The following TACC2 variants were observed in gnomAD, a reference collection of about 807,000 sequenced individuals.
The protein encoded by TACC2 is transforming acidic coiled-coil-containing protein 2.
Under a neutral mutation model 227.3 loss-of-function variants are expected in TACC2, and 137 were observed. The observed-to-expected ratio is 0.60, with a 90% confidence interval of 0.52 to 0.69. TACC2 has a LOEUF of 0.69. Ranked by LOEUF, TACC2 falls within the 30% of genes least tolerant of loss-of-function variation. The pLI, the probability that TACC2 is intolerant of heterozygous loss-of-function variation, is 0.00. For synonymous variants in TACC2, 1,523 were observed against 1,487.5 expected, an observed-to-expected ratio of 1.02 and a Z score of -0.55; for missense variants, 3,470 against 3,694.4, an observed-to-expected ratio of 0.94 and a Z score of 1.57.
At chr10:122,197,347 G>A (rs1177953530) in intron 8 of TACC2, among the ~76,000 whole-genome samples, 5 of 152,238 alleles carry the variant, frequency 3.3e-5, no homozygotes, top group African/African-American at 1.2e-4. Flanking sequence ...AGTGTGCGGA[G>A]AGGCCACTTG....
chr10:122,089,669 G>A (rs1427622198), intron 5 of TACC2, among the ~76,000 whole-genome samples: 3 of 152,240 alleles, frequency 2.0e-5, no homozygotes, highest in Non-Finnish European at 4.4e-5. Context: ...CAACACTTGT[G>A]TGTATGAGTA....
chr10:122,009,379 C>T (rs909429426), intron 1 of TACC2, among the ~76,000 whole-genome samples: 2 of 152,094 alleles, frequency 1.3e-5, no homozygotes, highest in Admixed American at 1.3e-4. Context: ...TGGTGCATGC[C>T]TGTAATCTCA....
rs369940694 is a variant in TACC2, at chr10:122,215,492, C to T, written c.7344+41C>T. 2.5e-4 allele frequency: 383 copies of T among 1,549,468 alleles called. 1 individual carries two copies. Among genetic ancestry groups the T allele is most frequent in the South Asian group, 3.3e-4 (30 of 89,738 alleles). On this transcript the variant is annotated intron_variant, in intron 10 of 22. Transcript: ENST00000369005. ...GATCTTGATGGTTTTATGCCCCCCCCGGGGGAGGTTTTCTTCGCTTGTTGA... is the reference window on the plus strand; with the variant it reads ...GATCTTGATGGTTTTATGCCCCCCCTGGGGGAGGTTTTCTTCGCTTGTTGA...
At chr10:122,226,011 C>T (rs1565695568) in intron 12 of TACC2, among the ~76,000 whole-genome samples, 2 of 152,200 alleles carry the variant, frequency 1.3e-5, no homozygotes, top group South Asian at 4.1e-4. Context: ...AGGCTCTTGC[C>T]CTACCTCTCT....
At chr10:122,096,783 A>G (rs533468881) in intron 5 of TACC2, among the ~76,000 whole-genome samples, 5 of 151,878 alleles carry the variant, frequency 3.3e-5, no homozygotes, top group African/African-American at 1.2e-4. Flanking sequence ...ATGTCTCTGC[A>G]CTGTTCTTGT....
At chr10:122,196,827 T>C (rs1475368590) in intron 8 of TACC2, among the ~76,000 whole-genome samples, 1 of 148,708 alleles carries the variant, frequency 6.7e-6, no homozygotes, top group Non-Finnish European at 1.5e-5. Flanking sequence ...TCCCAGCTAC[T>C]CGGGAGGCTG....
intron 2 of TACC2, among the ~76,000 whole-genome samples, chr10:122,029,090 A>C (rs1426634705): frequency 7.1e-6 from 1 of 140,286 alleles, no homozygotes; most frequent in African/African-American, 2.7e-5. Flanking sequence ...GTGAGAGGGG[A>C]CATTTTTCCC....
At chr10:122,244,293 C>A (rs10887109) in intron 19 of TACC2, among the ~76,000 whole-genome samples, 1 of 152,042 alleles carries the variant, frequency 6.6e-6, no homozygotes, top group Non-Finnish European at 1.5e-5. Context: ...CCCTGAGACT[C>A]CTCCAGTGTC....
chr10:122,060,744 T>G (rs1263153154), intron 3 of TACC2, among the ~76,000 whole-genome samples: 1 of 151,694 alleles, frequency 6.6e-6, no homozygotes, highest in Non-Finnish European at 1.5e-5. Context: ...GTGGCTCATG[T>G]CTGTAATCCC....
At chr10:122,206,721 T>A (rs1199370331) in intron 8 of TACC2, among the ~76,000 whole-genome samples, 2 of 152,212 alleles carry the variant, frequency 1.3e-5, no homozygotes, top group Admixed American at 6.5e-5. Flanking sequence ...GCTGACTTTG[T>A]CATCAGACTG....
chr10:122,181,947 G>A (rs2093984440), intron 7 of TACC2, among the ~76,000 whole-genome samples: 1 of 152,194 alleles, frequency 6.6e-6, no homozygotes, highest in African/African-American at 2.4e-5. Flanking sequence ...CCTCGTGATT[G>A]TACTGCTTTA....
At chr10:122,183,801 G>A (rs988689059) in intron 7 of TACC2, among the ~76,000 whole-genome samples, 4 of 152,246 alleles carry the variant, frequency 2.6e-5, no homozygotes, top group East Asian at 3.9e-4. Flanking sequence ...CAGAAGACAC[G>A]TATGCCTGTC....
rs1034283140 is a variant in TACC2, at chr10:122,085,483, C to A, written c.2983C>A (p.Gln995Lys). ...CTGQGPNKSQ[Q>K]ALADALEEGS... ...TGGGCAGGGGCCAAACAAGTCTCAA[C>A]AGGCATTGGCTGATGCCTTGGAAGA... Residue 995 changes from glutamine to lysine, a missense_variant, in exon 4 of 23, where the codon CAG becomes AAG. By Grantham distance (53) the Gln-to-Lys change is moderately conservative. Coordinates refer to ENST00000369005, the MANE Select transcript of TACC2 (RefSeq NM_206862.4). 4 of 1,613,604 alleles carry A rather than the reference C, an allele frequency of 2.5e-6. No homozygotes were observed. In the African/African-American group the frequency reaches 5.3e-5, roughly 22 times the overall value.
At chr10:122,158,276 C>T (rs897077263) in intron 7 of TACC2, among the ~76,000 whole-genome samples, 1 of 152,094 alleles carries the variant, frequency 6.6e-6, no homozygotes, top group Admixed American at 6.5e-5. Context: ...GTGGTCCCAG[C>T]TACTCGGGAG....
At chr10:122,103,800 G>A (rs1452567690) in intron 5 of TACC2, among the ~76,000 whole-genome samples, 3 of 152,184 alleles carry the variant, frequency 2.0e-5, no homozygotes, top group Non-Finnish European at 2.9e-5. Flanking sequence ...GCAGGAGAGA[G>A]GAAGGATGGA....
In TACC2 at chr10:122,118,089, C is replaced by T. The variant is rs552384421; in HGVS notation, c.5574-14520C>T. ...AGTGCAGTGGTGCCATCTCAGCTCA[C>T]GGCAACCCCTGCTTCCCCGGGTTCA... On this transcript the variant is annotated intron_variant, in intron 5 of 22. Coordinates refer to ENST00000369005, the MANE Select transcript of TACC2 (RefSeq NM_206862.4). Among the ~76,000 whole-genome samples, 20 of 151,218 alleles carry T rather than the reference C, an allele frequency of 1.3e-4. No individual in the cohort carries two copies. The South Asian group carries it at 2.1e-3, about 16-fold the overall frequency.
chr10:122,183,922 T>C (rs1349669612), intron 7 of TACC2, among the ~76,000 whole-genome samples: 1 of 151,990 alleles, frequency 6.6e-6, no homozygotes, highest in African/African-American at 2.4e-5. Context: ...ATCTTGAGAG[T>C]GGGAGCTTAT....
At position 122,164,051 on chromosome 10, in the gene TACC2, C is replaced by T. The variant is rs923981918; in HGVS notation, c.5834+20345C>T. ...CGGGGAGGAGGAGAGGATGCCCGGG[C>T]TTTGTTAGTGTCGCCTTTCCTAATG... On this transcript the variant is annotated intron_variant, in intron 7 of 22. Transcript: ENST00000369005. The T allele has an allele frequency of 2.9e-5, 45 of 1,540,998 alleles. 1 individual carries two copies. The highest frequency in any genetic ancestry group is 3.3e-4 in the Middle Eastern group (2 of 5,992).
intron 7 of TACC2, among the ~76,000 whole-genome samples, chr10:122,148,548 C>T (rs1356800360): frequency 6.6e-6 from 1 of 152,284 alleles, no homozygotes; most frequent in Non-Finnish European, 1.5e-5. Flanking sequence ...CCCGCCATAT[C>T]TGTGGCTTTG....
Sources: allele counts gnomAD v4.1 joint callset (sites outside exome capture counted in the v4.1 genomes callset), GRCh38; gene constraint gnomAD v4.1.1; transcripts MANE v1.5; gene names NCBI Gene and HGNC (gene_info 2026-07-23, HGNC 2026-07-21).